Variants in SLC7A8 observed in about 807,000 individuals in gnomAD.
SLC7A8 encodes the protein large neutral amino acids transporter small subunit 2.
SLC7A8 carries 30 observed loss-of-function variants against 51.2 expected under a neutral mutation model. The ratio of observed to expected loss-of-function variants is 0.59; its 90% CI spans 0.44 to 0.80. The LOEUF is 0.80. Among genes scored for constraint, SLC7A8 ranks in the 30% least tolerant of loss-of-function variants. The probability of loss-of-function intolerance (pLI) is 0.00; values close to 1 mark genes in which losing one functional copy is unlikely to be tolerated. For synonymous variants in SLC7A8, 257 were observed against 275.8 expected (o/e 0.93, Z 0.67); for missense variants, 612 against 674.4 (o/e 0.91, Z 1.03).
At position 23,140,469 on chromosome 14, in the gene SLC7A8, A is replaced by G; in HGVS notation, c.788+2T>C. The G allele has an allele frequency of 6.2e-7, 1 of 1,610,848 alleles. No homozygotes were observed. The highest frequency in any genetic ancestry group is 8.5e-7 in the Non-Finnish European group (1 of 1,177,424). On this transcript the variant is annotated splice_donor_variant, in intron 5 of 10. Transcript: ENST00000316902. LOFTEE classifies it high-confidence loss of function. ...GGGAATAGCCAGGCTCTTTCAACTC[A>G]CTTGTAGGGATCAACAAGCTCCTCA...
intron 4 of SLC7A8, among the ~76,000 whole-genome samples, chr14:23,142,750 C>T (rs542178439): frequency 2.3e-4 from 35 of 152,238 alleles, no homozygotes; most frequent in African/African-American, 8.2e-4. Context: ...GATCCTCCTG[C>T]CTCATCCTTC....
At chr14:23,180,900 G>C (rs1336566871) in intron 1 of SLC7A8, among the ~76,000 whole-genome samples, 2 of 152,116 alleles carry the variant, frequency 1.3e-5, no homozygotes, top group Admixed American at 6.5e-5. Context: ...GGTGGTGGGC[G>C]CCTGTAGTCC....
chr14:23,176,542 A>G (rs866100031), intron 1 of SLC7A8, among the ~76,000 whole-genome samples: 1 of 152,154 alleles, frequency 6.6e-6, no homozygotes, highest in Non-Finnish European at 1.5e-5. Flanking sequence ...CAGCTCTGTG[A>G]CTCAATTTCC....
At position 23,127,054 on chromosome 14, in the gene SLC7A8, C is replaced by T. The variant is rs1344163950; in HGVS notation, c.*123G>A. The T allele has an allele frequency of 8.0e-7, 1 of 1,253,320 alleles. No individual in the cohort carries two copies. Among genetic ancestry groups the T allele is most frequent in the Non-Finnish European group, 1.1e-6 (1 of 886,090 alleles). The allele number at this position is 1,253,320 out of a possible 1,614,324, so 77.6% of individuals were successfully genotyped here. A position where few individuals can be genotyped will look rare whatever the true frequency, so the allele number is the denominator to read the frequency against. Reference sequence around the variant, plus strand: ...ATTTCTCACCACCCACACCAAAGTCCTACCACTGCCTGACAAAAGCAGAGA... The same window carrying T: ...ATTTCTCACCACCCACACCAAAGTCTTACCACTGCCTGACAAAAGCAGAGA... On this transcript the variant is annotated 3_prime_UTR_variant, in exon 11 of 11. Transcript: ENST00000316902.
At position 23,131,532 on chromosome 14, in the gene SLC7A8, C is replaced by T. The variant is rs1162050737; in HGVS notation, c.1042G>A (p.Gly348Ser). 39 of 1,606,772 alleles carry T rather than the reference C, an allele frequency of 2.4e-5. No homozygotes were observed. Among genetic ancestry groups the T allele is most frequent in the Non-Finnish European group, 3.0e-5 (35 of 1,177,008 alleles). The change falls in exon 8 of 11, where the codon GGC becomes AGC. Residue 348 changes from glycine (G) to serine (S), a missense_variant. Gly to Ser is a moderately conservative substitution (Grantham distance 56). Transcript: ENST00000316902. The stretch of plus-strand genomic sequence containing the variant: ...ATGGCCAACACACTGGGAAGGTGGC[C>T]CTCTCGGGCTCCAGCGAAGAACAGC... ...SRLFFAGARE[G>S]HLPSVLAMIH...
intron 3 of SLC7A8, among the ~76,000 whole-genome samples, chr14:23,162,391 C>A (rs967534487): frequency 6.6e-6 from 1 of 152,162 alleles, no homozygotes; most frequent in Non-Finnish European, 1.5e-5. Context: ...ATATTTGAAC[C>A]CATATTTCAA....
At chr14:23,161,617 G>A (rs918607982) in intron 3 of SLC7A8, among the ~76,000 whole-genome samples, 6 of 142,194 alleles carry the variant, frequency 4.2e-5, no homozygotes, top group South Asian at 2.3e-4. Flanking sequence ...TGGGAGGGGT[G>A]CTGGAATAAA....
chr14:23,150,099 T>C (rs546414721), intron 3 of SLC7A8, among the ~76,000 whole-genome samples: 1 of 152,346 alleles, frequency 6.6e-6, no homozygotes, highest in African/African-American at 2.4e-5. Flanking sequence ...AAAGAGACAA[T>C]TTAAAATTAA....
intron 1 of SLC7A8, among the ~76,000 whole-genome samples, chr14:23,179,505 T>C (rs1198268024): frequency 7.1e-6 from 1 of 141,524 alleles, no homozygotes; most frequent in Non-Finnish European, 1.5e-5. Flanking sequence ...CCACAGTCCC[T>C]GAAAAAAAAA....
chr14:23,152,557 G>A (rs902612089), intron 3 of SLC7A8, among the ~76,000 whole-genome samples: 33 of 151,976 alleles, frequency 2.2e-4, no homozygotes, highest in African/African-American at 8.0e-4. Context: ...AGTAGCTGAG[G>A]TGTGTGCCAC....
At chr14:23,181,510 G>C (rs1877183555) in intron 1 of SLC7A8, among the ~76,000 whole-genome samples, 1 of 152,154 alleles carries the variant, frequency 6.6e-6, no homozygotes, top group Non-Finnish European at 1.5e-5. Flanking sequence ...CTGAAGTTCT[G>C]GGTGTAGAGG....
At chr14:23,154,679 T>G (rs2048876788) in intron 3 of SLC7A8, among the ~76,000 whole-genome samples, 1 of 152,126 alleles carries the variant, frequency 6.6e-6, no homozygotes. Context: ...AAGGCTCTGA[T>G]AAGGTTCCAG....
chr14:23,127,368 C>G, intron 10 of SLC7A8, 25 bp from the exon 11 acceptor site: 1 of 1,610,666 alleles, frequency 6.2e-7, no homozygotes, highest in Non-Finnish European at 8.5e-7. Context: ...CACACAGAAA[C>G]CAGGCCAATG....
chr14:23,159,633 C>A (rs1240175575), intron 3 of SLC7A8, among the ~76,000 whole-genome samples: 1 of 152,178 alleles, frequency 6.6e-6, no homozygotes, highest in South Asian at 2.1e-4. Context: ...ATAGGAAAGA[C>A]TATTGAATGC....
chr14:23,147,163 C>T lies in SLC7A8; in HGVS notation c.509-3959G>A, dbSNP rs540525830. 3.2e-3 allele frequency among the ~76,000 whole-genome samples: 490 copies of T among 151,916 alleles called. 4 individuals carry two copies. Among genetic ancestry groups the T allele is most frequent in the African/African-American group, 0.011 (472 of 41,460 alleles). ...ATCATCCATGCATCCATCCACCCAC[C>T]CATCTATCCATCTATCATCCATCCA... On this transcript the variant is annotated intron_variant, in intron 3 of 10. Coordinates refer to ENST00000316902, the MANE Select transcript of SLC7A8 (RefSeq NM_012244.4).
intron 1 of SLC7A8, among the ~76,000 whole-genome samples, chr14:23,182,557 A>G (rs1158117413): frequency 6.6e-6 from 1 of 152,214 alleles, no homozygotes; most frequent in Non-Finnish European, 1.5e-5. Context: ...AACACTGGGC[A>G]GAATCTTTGC....
At chr14:23,155,318 AC>A in intron 3 of SLC7A8, 1 of 1,535,542 alleles carries the variant, frequency 6.5e-7, no homozygotes, top group Non-Finnish European at 8.7e-7. Flanking sequence ...CACAGCTTTT[AC>A]CAAACACTTC....
chr14:23,153,229 C>A lies in SLC7A8; in HGVS notation c.509-10025G>T, dbSNP rs141577034. On this transcript the variant is annotated intron_variant, in intron 3 of 10. Coordinates refer to ENST00000316902, the MANE Select transcript of SLC7A8 (RefSeq NM_012244.4). ...CTGGGCTTGAGCGATCTGCCTGACT[C>A]GGCTTCCCAAAGTGCTAGGATTACA... is the stretch of plus-strand genomic sequence containing the variant. Among the ~76,000 whole-genome samples the A allele has an allele frequency of 6.1e-4, 93 of 152,254 alleles. 1 individual carries two copies. The East Asian group carries it at 0.011, about 18-fold the overall frequency.
chr14:23,137,643 C>T (rs1306142190), intron 7 of SLC7A8, among the ~76,000 whole-genome samples: 1 of 152,194 alleles, frequency 6.6e-6, no homozygotes, highest in Non-Finnish European at 1.5e-5. Context: ...CTGGCGGCCT[C>T]CTCTGTCTTC....
Sources: allele counts gnomAD v4.1 joint callset (sites outside exome capture counted in the v4.1 genomes callset), GRCh38; gene constraint gnomAD v4.1.1; transcripts MANE v1.5; gene names NCBI Gene and HGNC (gene_info 2026-07-23, HGNC 2026-07-21).